The following RALGPS1 variants were observed in gnomAD, a reference collection of about 807,000 sequenced individuals.
RALGPS1 encodes the protein ras-specific guanine nucleotide-releasing factor RalGPS1.
Under a neutral mutation model 78.8 loss-of-function variants are expected in RALGPS1, and 19 were observed. That is an observed-to-expected ratio of 0.24 (90% CI 0.17 to 0.35). The LOEUF (loss-of-function observed/expected upper bound fraction) is 0.35. Among genes scored for constraint, RALGPS1 ranks in the 10% least tolerant of loss-of-function variants. The probability of loss-of-function intolerance (pLI) is 1.00; values close to 1 mark genes in which losing one functional copy is unlikely to be tolerated. For synonymous variants in RALGPS1, 228 were observed against 256.3 expected (o/e 0.89, Z 1.06); for missense variants, 454 against 688.3 (o/e 0.66, Z 3.81).
At chr9:127,009,934 A>T (rs1435421760) in intron 4 of RALGPS1, among the ~76,000 whole-genome samples, 1 of 152,214 alleles carries the variant, frequency 6.6e-6, no homozygotes, top group African/African-American at 2.4e-5. Context: ...CAGAGATTCT[A>T]GAATTCCACA....
At chr9:127,011,226 G>A (rs2044311724) in intron 4 of RALGPS1, among the ~76,000 whole-genome samples, 1 of 151,996 alleles carries the variant, frequency 6.6e-6, no homozygotes, top group South Asian at 2.1e-4. Flanking sequence ...TGTCCAGGCT[G>A]GAGTGCAGTG....
At chr9:127,019,209 C>G (rs1376555021) in intron 4 of RALGPS1, among the ~76,000 whole-genome samples, 1 of 152,162 alleles carries the variant, frequency 6.6e-6, no homozygotes, top group Non-Finnish European at 1.5e-5. Context: ...AACAGTCACT[C>G]AAATCATTTT....
chr9:126,915,525 C>T (rs1274435334), intron 1 of RALGPS1: 1 of 152,148 alleles, frequency 6.6e-6, no homozygotes, highest in Non-Finnish European at 1.5e-5. Context: ...AAAGGCCGCC[C>T]TCTCCGCTGC....
chr9:127,208,160 A>C (rs7859545), intron 14 of RALGPS1, among the ~76,000 whole-genome samples: 17,232 of 152,256 alleles, frequency 0.11, 3,220 homozygotes, highest in African/African-American at 0.39. Flanking sequence ...AACTGCCAGG[A>C]GACTGCTCCA....
chr9:127,147,285 C>T (rs1331746526), intron 8 of RALGPS1, among the ~76,000 whole-genome samples: 2 of 152,134 alleles, frequency 1.3e-5, no homozygotes, highest in Non-Finnish European at 2.9e-5. Context: ...AGGTCTTTGT[C>T]AGATGCATAA....
rs1217448581 is a variant in RALGPS1, at chr9:127,212,600, A to G, written c.1354-27A>G. 2 of 1,538,798 alleles carry G rather than the reference A, an allele frequency of 1.3e-6. No individual in the cohort carries two copies. Among genetic ancestry groups the G allele is most frequent in the Non-Finnish European group, 1.8e-6 (2 of 1,118,586 alleles). On this transcript the variant is annotated intron_variant, in intron 15 of 18. Coordinates refer to ENST00000259351, the MANE Select transcript of RALGPS1 (RefSeq NM_014636.3). The surrounding 1 kb of genome is among the most constrained non-coding windows in gnomAD (Gnocchi z 6.0). ...CTCTACCCCCACGACCCCTGGTGGC[A>G]TCACTCAGCCTCCCCTTCCTCTGTA...
At position 127,183,832 on chromosome 9, in the gene RALGPS1, T is replaced by G. The variant is rs1373000303; in HGVS notation, c.910+9050T>G. On this transcript the variant is annotated intron_variant, in intron 11 of 18. Coordinates refer to ENST00000259351, the MANE Select transcript of RALGPS1 (RefSeq NM_014636.3). This position sits in a 1 kb window ranked among gnomAD's most constrained non-coding sequence, Gnocchi z 4.0. ...GGGATAGGAGGCCAGTTGTGGCCCA[T>G]TACTCTGGGATTTCACATCTCCTTT... 4.6e-6 allele frequency: 7 copies of G among 1,527,678 alleles called. No homozygotes were observed. Among genetic ancestry groups the G allele is most frequent in the Non-Finnish European group, 4.4e-6 (5 of 1,135,410 alleles). 94.6% of individuals were successfully genotyped at this position (1,527,678 alleles called of 1,614,324 possible). A position where few individuals can be genotyped will look rare whatever the true frequency, so the allele number is the denominator to read the frequency against.
chr9:127,185,310 T>G (rs1346528125), intron 11 of RALGPS1, among the ~76,000 whole-genome samples: 2 of 152,356 alleles, frequency 1.3e-5, no homozygotes, highest in African/African-American at 4.8e-5. Context: ...TTGCTCTCTG[T>G]CAACCCGAGT....
intron 4 of RALGPS1, among the ~76,000 whole-genome samples, chr9:127,025,350 C>T (rs1432503311): frequency 6.6e-6 from 1 of 152,090 alleles, no homozygotes; most frequent in African/African-American, 2.4e-5. Context: ...ATGAAGTTGC[C>T]GTAAACATGC....
chr9:127,089,318 G>A (rs1254539414), intron 8 of RALGPS1, among the ~76,000 whole-genome samples: 1 of 152,212 alleles, frequency 6.6e-6, no homozygotes, highest in African/African-American at 2.4e-5. Flanking sequence ...TTGAGGCTCA[G>A]CTTTGTAACT....
chr9:127,174,739 A>G lies in RALGPS1; in HGVS notation c.867A>G (p.Gly289=). 1 of 1,614,156 alleles carries G rather than the reference A, an allele frequency of 6.2e-7. No individual in the cohort carries two copies. Among genetic ancestry groups the G allele is most frequent in the Non-Finnish European group, 8.5e-7 (1 of 1,180,004 alleles). ...NYKLSLRIEP[G]SSSPRLVSSK... is the part of the protein sequence containing the mutation. ...GACTGTCGCTCAGAATCGAACCAGGAAGCAGCTCTCCAAGACTAGTCTCTT... is the reference window on the plus strand; with the variant it reads ...GACTGTCGCTCAGAATCGAACCAGGGAGCAGCTCTCCAAGACTAGTCTCTT... The change falls in exon 11 of 19, where the codon GGA becomes GGG. Residue 289 remains glycine, a synonymous_variant. Transcript: ENST00000259351.
At chr9:127,189,933 A>C (rs1588460846) in intron 11 of RALGPS1, among the ~76,000 whole-genome samples, 1 of 152,264 alleles carries the variant, frequency 6.6e-6, no homozygotes, top group African/African-American at 2.4e-5. Context: ...AGCACCTGGC[A>C]CAGAGTAGGT....
At chr9:127,152,223 C>G (rs539349382) in intron 8 of RALGPS1, among the ~76,000 whole-genome samples, 1 of 152,196 alleles carries the variant, frequency 6.6e-6, no homozygotes, top group Non-Finnish European at 1.5e-5. Context: ...GGTGTGGTCT[C>G]TCTTATCCCT....
intron 1 of RALGPS1, among the ~76,000 whole-genome samples, chr9:126,927,724 C>T (rs1469044126): frequency 1.3e-5 from 2 of 152,140 alleles, no homozygotes; most frequent in Non-Finnish European, 2.9e-5. Context: ...AATCTCTATC[C>T]GCTGAAGCCA....
rs2131084517 is a variant in RALGPS1, at chr9:127,221,154, A to T, written c.*2385A>T. On this transcript the variant is annotated 3_prime_UTR_variant, in exon 19 of 19. Transcript: ENST00000259351. ...TCTCTAAGCAGGGGCTCGGCCAAACATGGGAGTTAAGTGCTGCTTGTCTTC... is the reference window on the plus strand; with the variant it reads ...TCTCTAAGCAGGGGCTCGGCCAAACTTGGGAGTTAAGTGCTGCTTGTCTTC... The T allele has an allele frequency of 6.6e-6, 1 of 152,314 alleles. No homozygotes were observed. Among genetic ancestry groups the T allele is most frequent in the African/African-American group, 2.4e-5 (1 of 41,564 alleles). 9.4% of individuals were successfully genotyped at this position (152,314 alleles called of 1,614,324 possible).
At chr9:127,101,383 G>C (rs921538524) in intron 8 of RALGPS1, among the ~76,000 whole-genome samples, 3 of 152,188 alleles carry the variant, frequency 2.0e-5, no homozygotes, top group South Asian at 4.1e-4. Flanking sequence ...TTGGGGATCT[G>C]TGTCCCCATA....
At chr9:127,158,286 A>G (rs2058816590) in intron 8 of RALGPS1, among the ~76,000 whole-genome samples, 1 of 152,008 alleles carries the variant, frequency 6.6e-6, no homozygotes, top group South Asian at 2.1e-4. Flanking sequence ...AAGTAATGGC[A>G]ATTACTTTTG....
intron 11 of RALGPS1, among the ~76,000 whole-genome samples, chr9:127,188,096 CTG>C (rs1402184128): frequency 8.2e-6 from 1 of 121,306 alleles, no homozygotes; most frequent in East Asian, 2.8e-4. Context: ...GAGTCTCACT[CTG>C]TTGCTCAGGC....
At chr9:127,169,445 G>A (rs1341733400) in intron 10 of RALGPS1, among the ~76,000 whole-genome samples, 2 of 152,056 alleles carry the variant, frequency 1.3e-5, no homozygotes, top group African/African-American at 4.8e-5. Context: ...CTATGTATTT[G>A]GAGGGAAAAG....
Sources: gnomAD v4.1 joint callset for allele counts (sites outside exome capture counted in the v4.1 genomes callset) on GRCh38, gnomAD v4.1.1 for gene constraint, Gnocchi (gnomAD v3.1) non-coding constraint, MANE v1.5 for transcripts, NCBI Gene and HGNC (gene_info 2026-07-23, HGNC 2026-07-21) for gene names.